ENOX1: variants seen among roughly 807,000 people sequenced by gnomAD.
ENOX1 encodes the protein ecto-NOX disulfide-thiol exchanger 1, also known as candidate growth-related and time keeping constitutive hydroquinone (NADH) oxidase.
Under a neutral mutation model 82.5 loss-of-function variants are expected in ENOX1, and 42 were observed. That is an observed-to-expected ratio of 0.51 (90% confidence interval 0.40 to 0.66). ENOX1 has a LOEUF of 0.66. Ranked by LOEUF, ENOX1 falls within the 30% of genes least tolerant of loss-of-function variation. ENOX1 has a pLI of 0.00. For synonymous variants in ENOX1, 271 were observed against 282.2 expected (o/e 0.96, Z 0.40); for missense variants, 608 against 811.6 (o/e 0.75, Z 3.05).
At chr13:43,632,874 G>A (rs1290124218) in intron 2 of ENOX1, among the ~76,000 whole-genome samples, 1 of 152,032 alleles carries the variant, frequency 6.6e-6, no homozygotes, top group Non-Finnish European at 1.5e-5. Flanking sequence ...CATACATTAG[G>A]TTTTTATACC....
At chr13:43,440,108 T>C (rs1416329528) in intron 3 of ENOX1, among the ~76,000 whole-genome samples, 2 of 152,242 alleles carry the variant, frequency 1.3e-5, no homozygotes, top group African/African-American at 2.4e-5. Context: ...AAGGGTGAAT[T>C]AGGCACAGAG....
At chr13:43,761,939 A>C (rs1951004508) in intron 1 of ENOX1, among the ~76,000 whole-genome samples, 1 of 152,138 alleles carries the variant, frequency 6.6e-6, no homozygotes, top group Non-Finnish European at 1.5e-5. Flanking sequence ...TACAAATATA[A>C]TTAATGCATA....
At chr13:43,314,658 T>C (rs77957769) in intron 11 of ENOX1, among the ~76,000 whole-genome samples, 14,832 of 152,310 alleles carry the variant, frequency 0.097, 1,039 homozygotes, top group Non-Finnish European at 0.15. Context: ...TAGTACTGAT[T>C]CTTTTGGCCA....
intron 3 of ENOX1, among the ~76,000 whole-genome samples, chr13:43,416,181 C>T (rs2054512281): frequency 8.1e-6 from 1 of 123,336 alleles, no homozygotes; most frequent in Non-Finnish European, 1.7e-5. Context: ...CGGACAGAAG[C>T]GCTCCTCACA....
chr13:43,576,964 C>G lies in ENOX1; in HGVS notation c.-219+90515G>C, dbSNP rs1593906117. Among the ~76,000 whole-genome samples the G allele has an allele frequency of 2.0e-5, 3 of 152,166 alleles. No homozygotes were observed. In the Middle Eastern group the frequency reaches 0.01, roughly 518 times the overall value. ...CCCCCTTTATAATTCGTAATTCAAT[C>G]ACTATTCCAATAAAAAATTATTAAG... On this transcript the variant is annotated intron_variant, in intron 2 of 16. Coordinates refer to ENST00000690772, the MANE Select transcript of ENOX1 (RefSeq NM_001347969.2).
intron 2 of ENOX1, among the ~76,000 whole-genome samples, chr13:43,644,802 A>G (rs184909659): frequency 1.3e-5 from 2 of 152,344 alleles, no homozygotes; most frequent in Non-Finnish European, 2.9e-5. Flanking sequence ...CTTTAAAGCC[A>G]TATTCACAGT....
chr13:43,354,929 T>C (rs1271915977), intron 8 of ENOX1, among the ~76,000 whole-genome samples: 1 of 152,252 alleles, frequency 6.6e-6, no homozygotes, highest in Non-Finnish European at 1.5e-5. Context: ...TTCTTGACAC[T>C]TTCATCAACA....
chr13:43,700,988 T>C (rs781735256), intron 1 of ENOX1, among the ~76,000 whole-genome samples: 21 of 152,182 alleles, frequency 1.4e-4, no homozygotes, highest in Non-Finnish European at 2.5e-4. Flanking sequence ...AGTTTTTCAC[T>C]CTTTAAAATT....
chr13:43,667,717 T>C (rs1241517319), intron 1 of ENOX1, among the ~76,000 whole-genome samples, 173 bp from the exon 2 acceptor site: 1 of 152,210 alleles, frequency 6.6e-6, no homozygotes, highest in Non-Finnish European at 1.5e-5. Context: ...GGTCTCCGCA[T>C]GGTGCTAACT....
intron 2 of ENOX1, among the ~76,000 whole-genome samples, chr13:43,540,126 T>C (rs1350870653): frequency 1.3e-5 from 2 of 152,214 alleles, no homozygotes; most frequent in Non-Finnish European, 2.9e-5. Context: ...AATTGAAACA[T>C]TACATCTATT....
chr13:43,679,470 A>C (rs1023114546), intron 1 of ENOX1, among the ~76,000 whole-genome samples: 1 of 152,232 alleles, frequency 6.6e-6, no homozygotes, highest in Non-Finnish European at 1.5e-5. Flanking sequence ...CTCATGTTTT[A>C]CACATAATAC....
chr13:43,601,170 C>T (rs191952435), intron 2 of ENOX1, among the ~76,000 whole-genome samples: 200 of 152,138 alleles, frequency 1.3e-3, no homozygotes, highest in African/African-American at 4.7e-3. Context: ...AAAACATGAC[C>T]TCACCAAATG....
intron 8 of ENOX1, among the ~76,000 whole-genome samples, chr13:43,345,118 C>T (rs2049300885): frequency 6.6e-6 from 1 of 152,210 alleles, no homozygotes; most frequent in African/African-American, 2.4e-5. Context: ...GCCTCCACTT[C>T]ATTTCTTTGT....
chr13:43,421,551 C>G (rs1347821093), intron 3 of ENOX1, among the ~76,000 whole-genome samples: 1 of 152,148 alleles, frequency 6.6e-6, no homozygotes, highest in Non-Finnish European at 1.5e-5. Flanking sequence ...CCTGAAGTGT[C>G]ACATCACACT....
intron 8 of ENOX1, among the ~76,000 whole-genome samples, chr13:43,349,996 A>T (rs901064139): frequency 3.3e-5 from 5 of 152,182 alleles, no homozygotes; most frequent in Non-Finnish European, 5.9e-5. Flanking sequence ...AATGCTGGGC[A>T]TGAATTACCT....
intron 1 of ENOX1, among the ~76,000 whole-genome samples, chr13:43,673,175 G>GTATATATATATA (rs58874702): frequency 6.7e-6 from 1 of 148,842 alleles, no homozygotes; most frequent in East Asian, 2.0e-4. Context: ...TTGCATGTGT[G>GTATATATATATA]TATATATATA....
intron 12 of ENOX1, among the ~76,000 whole-genome samples, chr13:43,278,913 A>G (rs925578757): frequency 6.6e-6 from 1 of 152,226 alleles, no homozygotes; most frequent in African/African-American, 2.4e-5. Flanking sequence ...CTTGGCCATT[A>G]TTATTCATTC....
At chr13:43,390,689 C>G (rs1263121236) in intron 5 of ENOX1, among the ~76,000 whole-genome samples, 2 of 152,100 alleles carry the variant, frequency 1.3e-5, no homozygotes, top group African/African-American at 4.8e-5. Context: ...CTGTCATATC[C>G]TAATTGTCTT....
At chr13:43,377,791 T>C (rs2153572610) in intron 5 of ENOX1, among the ~76,000 whole-genome samples, 1 of 152,306 alleles carries the variant, frequency 6.6e-6, no homozygotes, top group East Asian at 1.9e-4. Flanking sequence ...AGGTCAGTTC[T>C]ATTGCAAAGC....
Sources: gnomAD v4.1 joint callset for allele counts (sites outside exome capture counted in the v4.1 genomes callset) on GRCh38, gnomAD v4.1.1 for gene constraint, MANE v1.5 for transcripts, NCBI Gene and HGNC (gene_info 2026-07-23, HGNC 2026-07-21) for gene names.